Variants in LIPA observed in about 807,000 individuals in gnomAD.
The protein encoded by LIPA is lipase A, lysosomal acid type.
LIPA carries 26 observed loss-of-function variants against 40.6 expected under a neutral mutation model. The ratio of observed to expected loss-of-function variants is 0.64; its 90% CI spans 0.47 to 0.89. The LOEUF is 0.89. Among genes scored for constraint, LIPA ranks in the 40% least tolerant of loss-of-function variants. The probability of loss-of-function intolerance (pLI) is 0.00; values close to 1 mark genes in which losing one functional copy is unlikely to be tolerated. For synonymous variants in LIPA, 188 were observed against 168.4 expected, an observed-to-expected ratio of 1.12 and a Z score of -0.90; for missense variants, 455 against 479.6, an observed-to-expected ratio of 0.95 and a Z score of 0.48.
chr10:89,299,958 C>G (rs1468484238), intron 1 of LIPA, among the ~76,000 whole-genome samples: 1 of 152,124 alleles, frequency 6.6e-6, no homozygotes, highest in East Asian at 1.9e-4. Context: ...CAAAAGGATA[C>G]CTGCACTCAC....
chr10:89,340,060 G>C (rs937341885), intron 1 of LIPA: 1 of 1,613,972 alleles, frequency 6.2e-7, no homozygotes, highest in African/African-American at 1.3e-5. Context: ...TGGTAGTGAG[G>C]AAATGGGCCA....
At chr10:89,277,426 G>A (rs994193105) in intron 1 of LIPA, among the ~76,000 whole-genome samples, 2 of 152,166 alleles carry the variant, frequency 1.3e-5, no homozygotes, top group Non-Finnish European at 1.5e-5. Context: ...CTGGCACATC[G>A]GTAGGGATCA....
chr10:89,349,814 C>T (rs1843946992), intron 2 of LIPA, among the ~76,000 whole-genome samples: 1 of 152,080 alleles, frequency 6.6e-6, no homozygotes, highest in East Asian at 1.9e-4. Flanking sequence ...CAAAACATGC[C>T]ATTTTGACAT....
chr10:89,366,469 A>G (rs1049487715), intron 2 of LIPA, among the ~76,000 whole-genome samples: 14 of 152,218 alleles, frequency 9.2e-5, no homozygotes, highest in Non-Finnish European at 1.6e-4. Context: ...CCCTGGCCAG[A>G]ACTTTTTACA....
At chr10:89,387,949 A>G (rs1009209539) in intron 2 of LIPA, among the ~76,000 whole-genome samples, 1 of 152,206 alleles carries the variant, frequency 6.6e-6, no homozygotes, top group African/African-American at 2.4e-5. Context: ...AGCAGTATCT[A>G]AAAAGTACAG....
intron 2 of LIPA, chr10:89,384,106 G>A (rs374200876): frequency 6.2e-7 from 1 of 1,614,168 alleles, no homozygotes; most frequent in Non-Finnish European, 8.5e-7. Flanking sequence ...TCGAAGAAAA[G>A]GGTCTGTGGA....
chr10:89,384,739 C>CATAGAGG, intron 2 of LIPA: 1 of 1,592,378 alleles, frequency 6.3e-7, no homozygotes, highest in South Asian at 1.1e-5. Context: ...TATATTTTAA[C>CATAGAGG]ATAGAGGTCA....
intron 1 of LIPA, among the ~76,000 whole-genome samples, chr10:89,315,861 T>C (rs1327047421): frequency 6.6e-6 from 1 of 152,160 alleles, no homozygotes; most frequent in African/African-American, 2.4e-5. Flanking sequence ...GATAATTAAA[T>C]CTAGGTCTCT....
chr10:89,346,362 TGTCCC>T (rs1843921536), upstream of LIPA, among the ~76,000 whole-genome samples: 1 of 152,210 alleles, frequency 6.6e-6, no homozygotes, highest in Admixed American at 6.5e-5. Flanking sequence ...TTTTACCAGT[TGTCCC>T]ACTAATATTC....
intron 1 of LIPA, among the ~76,000 whole-genome samples, chr10:89,290,965 C>A (rs1468248314): frequency 6.6e-6 from 1 of 152,208 alleles, no homozygotes; most frequent in African/African-American, 2.4e-5. Context: ...TTGGTTTCAT[C>A]TTATCCTTTC....
At chr10:89,229,925 C>A (rs1004371228) in intron 3 of LIPA, among the ~76,000 whole-genome samples, 8 of 151,950 alleles carry the variant, frequency 5.3e-5, no homozygotes, top group African/African-American at 1.5e-4. Flanking sequence ...TTGCTATGAA[C>A]TTAAAACTGC....
At chr10:89,361,564 G>T (rs1844021784) in intron 2 of LIPA, among the ~76,000 whole-genome samples, 1 of 152,110 alleles carries the variant, frequency 6.6e-6, no homozygotes. Context: ...AAACGAAAGT[G>T]TCATATAGCA....
chr10:89,322,994 A>T (rs562762659), intron 1 of LIPA, among the ~76,000 whole-genome samples: 39 of 152,302 alleles, frequency 2.6e-4, no homozygotes, highest in Admixed American at 1.6e-3. Flanking sequence ...CCTGGGAAAC[A>T]TTCAGGCAAG....
chr10:89,258,845 A>G (rs184872634), intron 1 of LIPA, among the ~76,000 whole-genome samples: 8 of 152,256 alleles, frequency 5.3e-5, no homozygotes, highest in Admixed American at 1.3e-4. Flanking sequence ...AAAATTTGAT[A>G]TGTTCATACA....
chr10:89,266,112 T>C (rs1416312364), intron 1 of LIPA, among the ~76,000 whole-genome samples: 1 of 152,222 alleles, frequency 6.6e-6, no homozygotes, highest in Non-Finnish European at 1.5e-5. Flanking sequence ...CCTTGTACAG[T>C]AACTTTTTAA....
chr10:89,384,896 C>T (rs1192135787), intron 2 of LIPA: 1 of 611,968 alleles, frequency 1.6e-6, no homozygotes, highest in Non-Finnish European at 2.8e-6. Flanking sequence ...GCAACTGCAA[C>T]TTCTGCTTTT....
chr10:89,287,652 C>T (rs1438731914), intron 1 of LIPA, among the ~76,000 whole-genome samples: 1 of 152,274 alleles, frequency 6.6e-6, no homozygotes. Context: ...CCCATTAAAA[C>T]CTAATCACCC....
At chr10:89,307,131 TCCA>T (rs1564782093) in intron 1 of LIPA, 1 of 1,614,016 alleles carries the variant, frequency 6.2e-7, no homozygotes, top group African/African-American at 1.3e-5. Context: ...GACAAGGCCA[TCCA>T]CCACTTTATA....
At chr10:89,286,262 C>T (rs368632480) in intron 1 of LIPA, among the ~76,000 whole-genome samples, 2 of 152,104 alleles carry the variant, frequency 1.3e-5, no homozygotes, top group South Asian at 4.1e-4. Context: ...CCCCTCAGTT[C>T]CAACCCCAAG....
Sources: allele counts gnomAD v4.1 joint callset (sites outside exome capture counted in the v4.1 genomes callset), GRCh38; gene constraint gnomAD v4.1.1; transcripts MANE v1.5; gene names NCBI Gene and HGNC (gene_info 2026-07-23, HGNC 2026-07-21).